ERCC6L2: variants seen among roughly 807,000 people sequenced by gnomAD.
ERCC6L2 encodes ERCC excision repair 6 like 2, also known as DNA excision repair protein ERCC-6-like 2.
Under a neutral mutation model 132.0 loss-of-function variants are expected in ERCC6L2, and 77 were observed. That is an observed-to-expected ratio of 0.58 (90% CI 0.49 to 0.71). The LOEUF (loss-of-function observed/expected upper bound fraction) is 0.71. ERCC6L2 is among the 30% of genes least tolerant of loss of function. The pLI, the probability that ERCC6L2 is intolerant of heterozygous loss-of-function variation, is 0.00. For synonymous variants in ERCC6L2, 583 were observed against 632.4 expected, an observed-to-expected ratio of 0.92 and a Z score of 1.17; for missense variants, 1,542 against 1,837.6, an observed-to-expected ratio of 0.84 and a Z score of 2.94.
chr9:96,033,013 T>C lies in ERCC6L2; in HGVS notation c.*1504-5863T>C, dbSNP rs147040041. Among the ~76,000 whole-genome samples the C allele has an allele frequency of 7.8e-3, 1,191 of 152,352 alleles. 7 individuals are homozygous for C. The highest frequency in any genetic ancestry group is 0.024 in the Middle Eastern group (7 of 294). The stretch of plus-strand genomic sequence containing the variant: ...GTGATTTAGCAGCCTGTACCAGTGG[T>C]ATCTCCTTGGAGCAATCAAAGCTTT... On this transcript the variant is annotated intron_variant and NMD_transcript_variant, in intron 19 of 20. Transcript: ENST00000670016.
intron 11 of ERCC6L2, among the ~76,000 whole-genome samples, chr9:95,941,102 T>A (rs1371459183): frequency 6.6e-6 from 1 of 152,198 alleles, no homozygotes; most frequent in Non-Finnish European, 1.5e-5. Context: ...TTGAGTTTTT[T>A]AATGTATGCA....
At chr9:95,939,961 G>A (rs955528168) in intron 11 of ERCC6L2, among the ~76,000 whole-genome samples, 2 of 152,162 alleles carry the variant, frequency 1.3e-5, no homozygotes, top group African/African-American at 4.8e-5. Context: ...CAGCCAAGTA[G>A]GGGTGGAAAG....
chr9:95,906,658 A>C, intron 3 of ERCC6L2: 1 of 457,166 alleles, frequency 2.2e-6, no homozygotes, highest in Non-Finnish European at 4.4e-6. Flanking sequence ...AAAATGCAGA[A>C]GGAAAGAGAG....
Position 95,983,845 on chromosome 9 carries a change from G to A in ERCC6L2, c.3492+5630G>A, listed in dbSNP as rs1832983747. Among the ~76,000 whole-genome samples the A allele has an allele frequency of 2.0e-5, 3 of 152,104 alleles. No homozygotes were observed. The South Asian group carries it at 6.2e-4, about 32-fold the overall frequency. ...ATAAGTAACTCCCTACAGGCCCCAG[G>A]GCTCAACAATGGCCGGAGGCTTACA... On this transcript the variant is annotated intron_variant, in intron 17 of 18. Coordinates refer to ENST00000653738, the MANE Select transcript of ERCC6L2 (RefSeq NM_020207.7).
At chr9:96,028,262 T>C (rs749028090) in intron 19 of ERCC6L2, among the ~76,000 whole-genome samples, 5 of 152,222 alleles carry the variant, frequency 3.3e-5, no homozygotes, top group Non-Finnish European at 7.3e-5. Flanking sequence ...CACTTGGCTT[T>C]GGCTTAGCAT....
At chr9:95,894,694 A>G (rs1162201117) in intron 2 of ERCC6L2, among the ~76,000 whole-genome samples, 1 of 147,400 alleles carries the variant, frequency 6.8e-6, no homozygotes, top group Non-Finnish European at 1.5e-5. Context: ...TCCTGGGTTC[A>G]AGTGATTCTC....
At chr9:96,003,151 A>T (rs1431444092) in intron 17 of ERCC6L2, among the ~76,000 whole-genome samples, 1 of 152,136 alleles carries the variant, frequency 6.6e-6, no homozygotes, top group African/African-American at 2.4e-5. Context: ...TATTATAGGT[A>T]ATTCCTCGGA....
intron 19 of ERCC6L2, among the ~76,000 whole-genome samples, chr9:96,031,578 C>T (rs1278934150): frequency 6.6e-6 from 1 of 152,250 alleles, no homozygotes. Flanking sequence ...AGTCAAGTTG[C>T]TTTCCAAATG....
chr9:96,030,336 T>A (rs1438991016), intron 19 of ERCC6L2, among the ~76,000 whole-genome samples: 1 of 152,114 alleles, frequency 6.6e-6, no homozygotes, highest in Non-Finnish European at 1.5e-5. Flanking sequence ...CGGGTTCCCT[T>A]CCATGCTGTG....
chr9:95,937,699 T>C (rs1416087717), intron 11 of ERCC6L2, among the ~76,000 whole-genome samples: 1 of 152,024 alleles, frequency 6.6e-6, no homozygotes, highest in East Asian at 1.9e-4. Flanking sequence ...TTGTTTCATT[T>C]CTAATATTGG....
Position 96,018,276 on chromosome 9 carries a change from A to G in ERCC6L2, c.*5073A>G, listed in dbSNP as rs1350629451. On this transcript the variant is annotated 3_prime_UTR_variant, in exon 19 of 19. Transcript: ENST00000653738. ...ATTTTAAAAATGGAAAAAAAGTAAG[A>G]CCAAAAGCAACACCTCTCCAGAATG... is the stretch of plus-strand genomic sequence containing the variant. Among the ~76,000 whole-genome samples, 1 of 152,176 alleles carries G rather than the reference A, an allele frequency of 6.6e-6. No individual in the cohort carries two copies. Among genetic ancestry groups the G allele is most frequent in the East Asian group, 1.9e-4 (1 of 5,202 alleles).
intron 17 of ERCC6L2, among the ~76,000 whole-genome samples, chr9:95,992,641 T>A (rs1235874935): frequency 2.0e-5 from 3 of 152,210 alleles, no homozygotes; most frequent in African/African-American, 7.2e-5. Context: ...TTGTAATGTC[T>A]CAGTGTCATT....
chr9:95,891,624 A>G (rs1344861060), intron 2 of ERCC6L2, among the ~76,000 whole-genome samples: 4 of 149,438 alleles, frequency 2.7e-5, no homozygotes, highest in Non-Finnish European at 4.4e-5. Context: ...CTGCAATACT[A>G]TTTTCCACAA....
chr9:96,033,870 C>T (rs1264907684), intron 19 of ERCC6L2, among the ~76,000 whole-genome samples: 1 of 152,192 alleles, frequency 6.6e-6, no homozygotes, highest in East Asian at 1.9e-4. Context: ...GATTTCACTG[C>T]AGAATGGAGG....
chr9:95,922,261 AGCTAT>A, intron 7 of ERCC6L2, 39 bp from the exon 8 acceptor site: 1 of 986,510 alleles, frequency 1.0e-6, no homozygotes, highest in Non-Finnish European at 1.6e-6. Flanking sequence ...GCAGGTGCAT[AGCTAT>A]GCTGGTCCTT....
Position 95,921,250 on chromosome 9 carries a change from A to C in ERCC6L2, c.1234A>C (p.Ile412Leu), listed in dbSNP as rs1337996298. ...GTTAGAAACAGAGGACGTGACTTTG[A>C]TACTTCAATCTTCTGAGCCTTGTAC... ...TVLETEDVTL[I>L]LQSSEPCTCR... Residue 412 changes from isoleucine (I) to leucine (L), a missense_variant, in exon 7 of 19, where the codon ATA (isoleucine) becomes CTA (leucine). Physicochemically the swap from Ile to Leu is conservative, Grantham distance 5. This residue lies in a region of ERCC6L2 where 945 missense variants were observed against 1,105.2 expected (regional missense o/e 0.86). Coordinates refer to ENST00000653738, the MANE Select transcript of ERCC6L2 (RefSeq NM_020207.7). The C allele has an allele frequency of 1.9e-6, 3 of 1,613,712 alleles. No individual in the cohort carries two copies. In the Admixed American group the frequency reaches 5.0e-5, roughly 27 times the overall value.
At chr9:95,907,856 C>CACA (rs869053572) in intron 4 of ERCC6L2, among the ~76,000 whole-genome samples, 2 of 145,926 alleles carry the variant, frequency 1.4e-5, no homozygotes, top group African/African-American at 5.2e-5. Context: ...CACACACACA[C>CACA]CCCCACACCC....
chr9:96,021,153 G>T (rs1432561941), downstream of ERCC6L2: 1 of 371,048 alleles, frequency 2.7e-6, no homozygotes, highest in Non-Finnish European at 5.3e-6. The surrounding 1 kb of genome is among the most constrained non-coding windows in gnomAD (Gnocchi z 4.7). Context: ...CCAAGTGTCG[G>T]GCTGCGTCCG....
intron 3 of ERCC6L2, chr9:95,906,517 G>A (rs550362952): frequency 2.6e-6 from 1 of 386,032 alleles, no homozygotes. Flanking sequence ...AATGAATATA[G>A]ATAGGTTATT....
Sources: allele counts gnomAD v4.1 joint callset (sites outside exome capture counted in the v4.1 genomes callset), GRCh38; gene constraint gnomAD v4.1.1; regional missense constraint gnomAD v4.1.1; non-coding constraint Gnocchi (gnomAD v3.1); transcripts MANE v1.5; gene names NCBI Gene and HGNC (gene_info 2026-07-23, HGNC 2026-07-21).